The following NUDCD3 variants were observed in gnomAD, a reference collection of about 807,000 sequenced individuals.
NUDCD3 encodes nudC domain-containing protein 3.
NUDCD3 carries 13 observed loss-of-function variants against 39.7 expected under a neutral mutation model. That is an observed-to-expected ratio of 0.33 (90% CI 0.21 to 0.52). The LOEUF is 0.52. Ranked by LOEUF, NUDCD3 falls within the 20% of genes least tolerant of loss-of-function variation. The probability of loss-of-function intolerance (pLI) is 0.96; values close to 1 mark genes in which losing one functional copy is unlikely to be tolerated. For synonymous variants in NUDCD3, 175 were observed against 172.4 expected (o/e 1.02, Z -0.12); for missense variants, 453 against 458.1 (o/e 0.99, Z 0.10).
At chr7:44,437,825 G>C (rs2116917638) in intron 2 of NUDCD3, among the ~76,000 whole-genome samples, 1 of 152,232 alleles carries the variant, frequency 6.6e-6, no homozygotes, top group Non-Finnish European at 1.5e-5. Context: ...TGCAAATTTA[G>C]GGAATACTTT....
chr7:44,463,972 G>C (rs1224398857), intron 2 of NUDCD3, among the ~76,000 whole-genome samples: 1 of 152,096 alleles, frequency 6.6e-6, no homozygotes, highest in Non-Finnish European at 1.5e-5. Context: ...CCAGCACTTT[G>C]GGAGGCTGCG....
intron 4 of NUDCD3, among the ~76,000 whole-genome samples, chr7:44,393,776 C>G (rs1459183000): frequency 1.3e-5 from 2 of 152,154 alleles, no homozygotes; most frequent in Non-Finnish European, 2.9e-5. Context: ...AGCTCTCATC[C>G]ATGGAGGTGG....
intron 2 of NUDCD3, among the ~76,000 whole-genome samples, chr7:44,428,363 G>A (rs575518995): frequency 1.4e-3 from 218 of 151,952 alleles, no homozygotes; most frequent in African/African-American, 4.8e-3. Context: ...TTGAACCTGG[G>A]AGGCGGAGGT....
At chr7:44,434,761 C>T (rs189730860) in intron 2 of NUDCD3, among the ~76,000 whole-genome samples, 1 of 152,322 alleles carries the variant, frequency 6.6e-6, no homozygotes, top group African/African-American at 2.4e-5. Context: ...TGGTGTCCAA[C>T]CTGAGGTCAA....
chr7:44,402,918 T>G (rs1798751634), intron 4 of NUDCD3: 1 of 252,798 alleles, frequency 4.0e-6, no homozygotes, highest in East Asian at 1.1e-4. Context: ...CACGTGAAGC[T>G]CAAGTGAGGG....
intron 4 of NUDCD3, among the ~76,000 whole-genome samples, chr7:44,396,715 AACT>A (rs1798632416): frequency 6.6e-6 from 1 of 152,182 alleles, no homozygotes. Flanking sequence ...GTCCACATTT[AACT>A]ACTTTCCTTA....
chr7:44,482,070 C>T (rs1800503047), intron 2 of NUDCD3, among the ~76,000 whole-genome samples: 1 of 152,186 alleles, frequency 6.6e-6, no homozygotes, highest in African/African-American at 2.4e-5. Flanking sequence ...CCTAAGTGGA[C>T]TATGACAAAC....
intron 3 of NUDCD3, among the ~76,000 whole-genome samples, chr7:44,410,675 A>C (rs932799661): frequency 2.7e-5 from 4 of 150,830 alleles, no homozygotes; most frequent in Non-Finnish European, 5.9e-5. Context: ...AAAAAAAAAA[A>C]GTCTAGTAAC....
intron 2 of NUDCD3, among the ~76,000 whole-genome samples, chr7:44,472,802 A>AAGGAG (rs1193801717): frequency 6.6e-6 from 1 of 152,232 alleles, no homozygotes; most frequent in Non-Finnish European, 1.5e-5. Context: ...GTAGCCCAGA[A>AAGGAG]AGGAGTTAGG....
intron 3 of NUDCD3, among the ~76,000 whole-genome samples, chr7:44,411,897 A>G (rs1231334588): frequency 1.3e-5 from 2 of 152,232 alleles, no homozygotes; most frequent in African/African-American, 4.8e-5. Context: ...GTAGATGCAC[A>G]GTGGGGAAAT....
intron 2 of NUDCD3, among the ~76,000 whole-genome samples, chr7:44,479,371 A>C (rs1009132022): frequency 4.6e-5 from 7 of 152,358 alleles, no homozygotes; most frequent in East Asian, 3.9e-4. Context: ...GTATACAGTA[A>C]TGAACACCTT....
chr7:44,407,269 TAAA>T (rs370365897), intron 3 of NUDCD3, among the ~76,000 whole-genome samples: 1 of 137,038 alleles, frequency 7.3e-6, no homozygotes, highest in African/African-American at 2.7e-5. Context: ...ATTTTTGTAT[TAAA>T]AAAAAAAAAA....
chr7:44,435,586 C>G (rs1799449674), intron 2 of NUDCD3, among the ~76,000 whole-genome samples: 1 of 152,208 alleles, frequency 6.6e-6, no homozygotes, highest in Non-Finnish European at 1.5e-5. Context: ...ACTGTAATTT[C>G]AGAAAGGCCA....
chr7:44,481,379 A>G (rs982429168), intron 2 of NUDCD3: 2 of 152,282 alleles, frequency 1.3e-5, no homozygotes, highest in Admixed American at 6.5e-5. Context: ...GCTGCTGTCC[A>G]TCGGAGAAAT....
chr7:44,470,164 G>C (rs1323564168), intron 2 of NUDCD3, among the ~76,000 whole-genome samples: 1 of 152,092 alleles, frequency 6.6e-6, no homozygotes, highest in Non-Finnish European at 1.5e-5. Context: ...AAAATTCAAA[G>C]ATTTTTTTAA....
At position 44,397,642 on chromosome 7, in the gene NUDCD3, G is replaced by T. The variant is rs371462981; in HGVS notation, c.787-5157C>A. On this transcript the variant is annotated intron_variant, in intron 4 of 5. Transcript: ENST00000355451. ...ATTTGTAAAGAATTTTAAGCTTAAA[G>T]TTACTAGAATAAGTACAAAGACACC... is the stretch of plus-strand genomic sequence containing the variant. Among the ~76,000 whole-genome samples, 59 of 152,170 alleles carry T rather than the reference G, an allele frequency of 3.9e-4. 1 individual carries two copies. The highest frequency in any genetic ancestry group is 1.4e-3 in the African/African-American group (58 of 41,514).
Position 44,379,278 on chromosome 7 carries a change from A to T in NUDCD3, c.*6733T>A, listed in dbSNP as rs1798269336. 6.9e-6 allele frequency: 1 copy of T among 144,784 alleles called. No individual in the cohort carries two copies. Among genetic ancestry groups the T allele is most frequent in the Admixed American group, 7.1e-5 (1 of 14,062 alleles). 9.0% of individuals were successfully genotyped at this position (144,784 alleles called of 1,614,324 possible). A position where few individuals can be genotyped will look rare whatever the true frequency, so the allele number is the denominator to read the frequency against. ...GTCCAGTCTGGGCAACACAGGAAAA[A>T]CTCTGTCTCAAAAAAAAAAAAAACT... On this transcript the variant is annotated 3_prime_UTR_variant, in exon 6 of 6. Coordinates refer to ENST00000355451, the MANE Select transcript of NUDCD3 (RefSeq NM_015332.4).
chr7:44,411,620 C>A (rs184320831), intron 3 of NUDCD3, among the ~76,000 whole-genome samples: 2 of 152,060 alleles, frequency 1.3e-5, no homozygotes, highest in Non-Finnish European at 2.9e-5. Flanking sequence ...AAAACAAAAC[C>A]AAAACAGACA....
chr7:44,409,340 T>C (rs1441678856), intron 3 of NUDCD3, among the ~76,000 whole-genome samples: 1 of 151,944 alleles, frequency 6.6e-6, no homozygotes, highest in African/African-American at 2.4e-5. Context: ...ATCCCAGGAG[T>C]TTAAGGAAAT....
Sources: gnomAD v4.1 joint callset for allele counts (sites outside exome capture counted in the v4.1 genomes callset) on GRCh38, gnomAD v4.1.1 for gene constraint, MANE v1.5 for transcripts, NCBI Gene and HGNC (gene_info 2026-07-23, HGNC 2026-07-21) for gene names.